GSE1: variants seen among roughly 807,000 people sequenced by gnomAD.
The protein encoded by GSE1 is Gse1 coiled-coil protein, also known as genetic suppressor element 1.
A neutral mutation model predicts 112.6 loss-of-function variants in GSE1; 32 were observed. The observed-to-expected ratio is 0.28, with a 90% CI of 0.21 to 0.38. GSE1 has a LOEUF of 0.38. Ranked by LOEUF, GSE1 falls within the 10% of genes least tolerant of loss-of-function variation. GSE1 has a pLI of 1.00. For synonymous variants in GSE1, 1,115 were observed against 735.6 expected (o/e 1.52, Z -8.35); for missense variants, 2,348 against 1,699.2 (o/e 1.38, Z -6.71).
intron 1 of GSE1, among the ~76,000 whole-genome samples, chr16:85,234,103 T>C (rs1456973199): frequency 6.6e-6 from 1 of 152,054 alleles, no homozygotes; most frequent in Non-Finnish European, 1.5e-5. Flanking sequence ...ATTGTAGGCG[T>C]CTGGTTCTGG....
chr16:85,235,877 C>T (rs905624995), intron 1 of GSE1, among the ~76,000 whole-genome samples: 4 of 151,914 alleles, frequency 2.6e-5, no homozygotes, highest in African/African-American at 7.2e-5. Flanking sequence ...CTGGCAGCGG[C>T]GCCCGCGCCC....
chr16:85,669,919 TCTC>T (rs1175903222), intron 14 of GSE1, among the ~76,000 whole-genome samples: 3 of 152,178 alleles, frequency 2.0e-5, no homozygotes, highest in African/African-American at 7.2e-5. Context: ...GACCCCCTCT[TCTC>T]TCAGCTACCG....
chr16:85,341,518 C>T (rs1294091708), intron 1 of GSE1, among the ~76,000 whole-genome samples: 1 of 151,968 alleles, frequency 6.6e-6, no homozygotes, highest in African/African-American at 2.4e-5. Flanking sequence ...ATTAGCTGGG[C>T]TTGGTGGCAG....
At chr16:85,614,606 G>A (rs1044900065) in intron 1 of GSE1, among the ~76,000 whole-genome samples, 2 of 152,230 alleles carry the variant, frequency 1.3e-5, no homozygotes, top group African/African-American at 4.8e-5. Context: ...CCTGGCCGCA[G>A]TGCCCGTCTG....
At position 85,582,809 on chromosome 16, in the gene GSE1, C is replaced by T. The variant is rs867322502; in HGVS notation, c.37+26446C>T. The stretch of plus-strand genomic sequence containing the variant: ...TCTGCACAGCCTGCGGTTGGTCGGC[C>T]GCCTTGTCATTTAGCTGTTCCGAGC... On this transcript the variant is annotated intron_variant, in intron 1 of 2. Transcript: ENST00000635906. Among the ~76,000 whole-genome samples the T allele has an allele frequency of 5.9e-5, 9 of 152,330 alleles. 1 individual carries two copies. The Middle Eastern group carries it at 0.02, about 345-fold the overall frequency.
At chr16:85,316,936 G>A (rs574430434) in intron 1 of GSE1, among the ~76,000 whole-genome samples, 1 of 152,334 alleles carries the variant, frequency 6.6e-6, no homozygotes, top group East Asian at 1.9e-4. Flanking sequence ...GCCCCGGGAG[G>A]GATGCCCTGG....
chr16:85,653,232 T>C (rs1438630696), intron 3 of GSE1, among the ~76,000 whole-genome samples: 2 of 506 alleles, frequency 4.0e-3, no homozygotes, highest in African/African-American at 8.7e-3. Context: ...CTCCTCCTCC[T>C]CCCCCCTCCT....
At chr16:85,363,097 A>G (rs182004683) in intron 2 of GSE1, among the ~76,000 whole-genome samples, 48 of 152,256 alleles carry the variant, frequency 3.2e-4, no homozygotes, top group Middle Eastern at 3.4e-3. Context: ...TTGGCCTCCC[A>G]AAGTGTTGGG....
chr16:85,350,602 A>C (rs2046833100), intron 1 of GSE1, among the ~76,000 whole-genome samples: 1 of 151,528 alleles, frequency 6.6e-6, no homozygotes, highest in African/African-American at 2.4e-5. Context: ...ACACCCCTTC[A>C]AGCTTTGAGG....
chr16:85,232,527 G>A (rs916059514), intron 1 of GSE1, among the ~76,000 whole-genome samples: 1 of 151,872 alleles, frequency 6.6e-6, no homozygotes, highest in African/African-American at 2.4e-5. Flanking sequence ...GTGTGGTCTC[G>A]GGAGCAAAAT....
chr16:85,633,731 T>G (rs935603986), intron 1 of GSE1, among the ~76,000 whole-genome samples, 183 bp from the exon 2 acceptor site: 9 of 152,180 alleles, frequency 5.9e-5, no homozygotes, highest in Non-Finnish European at 1.2e-4. Flanking sequence ...AGCTGGACTC[T>G]GGGGACGGGG....
intron 1 of GSE1, among the ~76,000 whole-genome samples, chr16:85,627,866 C>G (rs2049209493): frequency 6.6e-6 from 1 of 152,238 alleles, no homozygotes; most frequent in Non-Finnish European, 1.5e-5. Flanking sequence ...CCTCCCTCTC[C>G]CCGCCATCCC....
chr16:85,414,076 C>A (rs2048648565), intron 2 of GSE1, among the ~76,000 whole-genome samples: 1 of 152,118 alleles, frequency 6.6e-6, no homozygotes, highest in Non-Finnish European at 1.5e-5. Context: ...ATAACCCAGT[C>A]TCAGGCAGTT....
chr16:85,269,745 C>G (rs1402273024), intron 1 of GSE1, among the ~76,000 whole-genome samples: 1 of 149,292 alleles, frequency 6.7e-6, no homozygotes, highest in Admixed American at 6.7e-5. Context: ...GACGCCCTTG[C>G]ACCTGGCACT....
upstream of GSE1, among the ~76,000 whole-genome samples, chr16:85,610,210 C>G (rs556104103): frequency 6.6e-6 from 1 of 152,340 alleles, no homozygotes; most frequent in African/African-American, 2.4e-5. Flanking sequence ...TAAGGAGCAC[C>G]GCGTGCAGCA....
At chr16:85,573,966 T>C (rs557125030) in intron 1 of GSE1, among the ~76,000 whole-genome samples, 1 of 152,314 alleles carries the variant, frequency 6.6e-6, no homozygotes, top group African/African-American at 2.4e-5. Flanking sequence ...CGGGCAGACG[T>C]GGCGCCGTCT....
intron 2 of GSE1, among the ~76,000 whole-genome samples, chr16:85,637,183 T>G (rs1418458951): frequency 6.6e-6 from 1 of 152,068 alleles, no homozygotes; most frequent in Non-Finnish European, 1.5e-5. Flanking sequence ...TCCCACGCCC[T>G]CCCCCAGCCC....
At chr16:85,405,338 T>C (rs370224907) in intron 2 of GSE1, among the ~76,000 whole-genome samples, 1 of 2,700 alleles carries the variant, frequency 3.7e-4, no homozygotes, top group African/African-American at 4.3e-4. Context: ...TAATCCTCAC[T>C]GTTACACTCA....
intron 2 of GSE1, among the ~76,000 whole-genome samples, chr16:85,360,609 G>A (rs2047047157): frequency 6.6e-6 from 1 of 152,122 alleles, no homozygotes. Context: ...GCCCAGCTGT[G>A]CACTGCCAGC....
Sources: gnomAD v4.1 joint callset for allele counts (sites outside exome capture counted in the v4.1 genomes callset) on GRCh38, gnomAD v4.1.1 for gene constraint, MANE v1.5 for transcripts, NCBI Gene and HGNC (gene_info 2026-07-23, HGNC 2026-07-21) for gene names.